TMEM165: variants seen among roughly 807,000 people sequenced by gnomAD.
TMEM165 encodes putative divalent cation/proton antiporter TMEM165.
Under a neutral mutation model 30.0 loss-of-function variants are expected in TMEM165, and 19 were observed. The ratio of observed to expected loss-of-function variants is 0.63; its 90% CI spans 0.44 to 0.93. TMEM165 has a LOEUF of 0.93. Ranked by LOEUF, TMEM165 falls within the 40% of genes least tolerant of loss-of-function variation. TMEM165 has a pLI of 0.00. For missense variants in TMEM165, 340 were observed against 417.0 expected (o/e 0.82, Z 1.61); for synonymous variants, 168 against 162.9 (o/e 1.03, Z -0.24).
chr4:55,443,843 A>G (rs2109693572), intron 3 of TMEM165: 1 of 1,613,814 alleles, frequency 6.2e-7, no homozygotes, highest in East Asian at 2.2e-5. Context: ...AATTTCCAGA[A>G]GAAAGTTGAA....
intron 3 of TMEM165, chr4:55,444,847 C>T (rs1368050247): frequency 6.6e-7 from 1 of 1,523,340 alleles, no homozygotes; most frequent in Admixed American, 1.8e-5. Flanking sequence ...CTTATAATTG[C>T]ACAACATGAA....
intron 3 of TMEM165, among the ~76,000 whole-genome samples, chr4:55,451,448 C>A (rs921559768): frequency 6.6e-6 from 1 of 152,102 alleles, no homozygotes; most frequent in African/African-American, 2.4e-5. Context: ...TTGGAGTGCT[C>A]CAAGACACAC....
intron 1 of TMEM165, among the ~76,000 whole-genome samples, chr4:55,409,776 G>T (rs1330268602): frequency 6.6e-6 from 1 of 152,192 alleles, no homozygotes; most frequent in Non-Finnish European, 1.5e-5. Context: ...GAGAAGAGAA[G>T]GGTATTTACC....
In TMEM165 at chr4:55,443,713, G is replaced by C. The variant is rs767012862; in HGVS notation, c.409-8526G>C. The C allele has an allele frequency of 5.0e-6, 8 of 1,613,916 alleles. No homozygotes were observed. In the East Asian group the frequency reaches 1.6e-4, roughly 31 times the overall value. On this transcript the variant is annotated intron_variant, in intron 3 of 3. Coordinates refer to the TMEM165 transcript ENST00000608091. ...TGAGTTGATGTACTCTGTAAAGTCT[G>C]TTGTTGTATCATGTGCTGAGTTGTG...
chr4:55,400,303 T>A (rs1374530781), intron 1 of TMEM165, among the ~76,000 whole-genome samples: 2 of 104,750 alleles, frequency 1.9e-5, no homozygotes, highest in Non-Finnish European at 3.6e-5. Context: ...TATAATATTA[T>A]ATATAATATT....
intron 1 of TMEM165, among the ~76,000 whole-genome samples, chr4:55,401,832 G>A (rs1321934761): frequency 1.3e-5 from 2 of 149,886 alleles, no homozygotes; most frequent in African/African-American, 5.1e-5. Flanking sequence ...TAAAATCAAT[G>A]AAGGCCGGGC....
At chr4:55,448,651 C>A in intron 3 of TMEM165, 55 of 515,012 alleles carry the variant, frequency 1.1e-4, no homozygotes, top group Non-Finnish European at 1.6e-4. Flanking sequence ...TGTGCTCCTA[C>A]CTCAGCCTCC....
chr4:55,452,974 A>T, exon 4 of TMEM165: 1 of 970,030 alleles, frequency 1.0e-6, no homozygotes, highest in Non-Finnish European at 1.6e-6. Context: ...TTTGAAAAAT[A>T]GTTTTCCTAT....
At chr4:55,412,393 C>CAAAAAAAAAAAAAAAAA (rs371124857) in intron 2 of TMEM165, among the ~76,000 whole-genome samples, 1 of 54,376 alleles carries the variant, frequency 1.8e-5, no homozygotes, top group African/African-American at 7.6e-5. Context: ...GACTCCATCT[C>CAAAAAAAAAAAAAAAAA]AAAAAAAAAA....
At chr4:55,415,640 ACATC>A (rs1578239109) in intron 2 of TMEM165, 1 of 152,238 alleles carries the variant, frequency 6.6e-6, no homozygotes, top group African/African-American at 2.4e-5. Context: ...ATACAAATAT[ACATC>A]CATACATATA....
Position 55,426,079 on chromosome 4 carries a change from A to C in TMEM165, c.*627A>C, listed in dbSNP as rs541192339. 12 of 152,262 alleles carry C rather than the reference A, an allele frequency of 7.9e-5. No homozygotes were observed. In the East Asian group the frequency reaches 2.3e-3, roughly 29 times the overall value. 9.4% of individuals were successfully genotyped at this position (152,262 alleles called of 1,614,324 possible). A position where few individuals can be genotyped will look rare whatever the true frequency, so the allele number is the denominator to read the frequency against. ...ATATTTGACAATGTGGAATTACCAA[A>C]TTAAAAGAGAATACTATGAATGTAT... is the stretch of plus-strand genomic sequence containing the variant. On this transcript the variant is annotated 3_prime_UTR_variant, in exon 6 of 6. Coordinates refer to ENST00000381334, the MANE Select transcript of TMEM165 (RefSeq NM_018475.5).
chr4:55,425,422 A>G lies in TMEM165; in HGVS notation c.945A>G (p.Ala315=), dbSNP rs1056685012. The G allele has an allele frequency of 9.9e-6, 16 of 1,612,644 alleles. No homozygotes were observed. Among genetic ancestry groups the G allele is most frequent in the Non-Finnish European group, 1.3e-5 (15 of 1,179,654 alleles). Residue 315 remains alanine, a synonymous_variant, in exon 6 of 6, where the codon GCA becomes GCG. Transcript: ENST00000381334. The part of the protein sequence containing the change: ...GIVFLAFAFS[A]LFISPDSGF ...TTTTTTTGGCGTTTGCATTTTCTGCACTATTTATAAGCCCTGATTCTGGTT... is the reference window on the plus strand; with the variant it reads ...TTTTTTTGGCGTTTGCATTTTCTGCGCTATTTATAAGCCCTGATTCTGGTT...
intron 4 of TMEM165, chr4:55,423,499 T>A (rs1036934748): frequency 6.6e-6 from 1 of 152,124 alleles, no homozygotes; most frequent in African/African-American, 2.4e-5. Flanking sequence ...CATAGCTCAC[T>A]GCAGCCACGA....
chr4:55,427,559 G>A (rs914255152), downstream of TMEM165, among the ~76,000 whole-genome samples: 3 of 151,458 alleles, frequency 2.0e-5, no homozygotes, highest in African/African-American at 7.3e-5. Context: ...TGGCCAGGCT[G>A]GTCTTGAACT....
At chr4:55,409,635 TTTGA>T (rs1221377539) in intron 1 of TMEM165, among the ~76,000 whole-genome samples, 2 of 152,108 alleles carry the variant, frequency 1.3e-5, no homozygotes, top group Non-Finnish European at 2.9e-5. Context: ...GTAGTTCCCC[TTTGA>T]TTGTAACTAA....
chr4:55,403,305 G>T (rs759875899), intron 1 of TMEM165: 3 of 1,286,168 alleles, frequency 2.3e-6, no homozygotes, highest in Admixed American at 2.3e-5. Flanking sequence ...ATCTTCTCTA[G>T]TTTCATCATG....
exon 4 of TMEM165, chr4:55,452,606 A>G (rs1183732052): frequency 3.4e-5 from 6 of 174,610 alleles, no homozygotes; most frequent in Non-Finnish European, 6.1e-5. Context: ...AATATACTAT[A>G]CTTCTGACCT....
intron 1 of TMEM165, among the ~76,000 whole-genome samples, chr4:55,402,914 C>T (rs1721091422): frequency 6.7e-6 from 1 of 149,424 alleles, no homozygotes; most frequent in Admixed American, 6.8e-5. Context: ...GCGTCAGCCT[C>T]CCAAGTAGCT....
intron 3 of TMEM165, chr4:55,435,492 G>A (rs888661973): frequency 1.2e-6 from 2 of 1,613,950 alleles, no homozygotes; most frequent in Non-Finnish European, 1.7e-6. Context: ...TGCTGAGACT[G>A]ATGTTGCTGG....
Sources: gnomAD v4.1 joint callset for allele counts (sites outside exome capture counted in the v4.1 genomes callset) on GRCh38, gnomAD v4.1.1 for gene constraint, MANE v1.5 for transcripts, NCBI Gene and HGNC (gene_info 2026-07-23, HGNC 2026-07-21) for gene names.